CAMK2A: variants seen among roughly 807,000 people sequenced by gnomAD.
CAMK2A encodes calcium/calmodulin-dependent protein kinase type II subunit alpha.
CAMK2A carries 7 observed loss-of-function variants against 79.2 expected under a neutral mutation model. That is an observed-to-expected ratio of 0.09 (90% confidence interval 0.05 to 0.17). CAMK2A has a LOEUF of 0.17. Among genes scored for constraint, CAMK2A ranks in the 10% least tolerant of loss-of-function variants. The pLI, the probability that CAMK2A is intolerant of heterozygous loss-of-function variation, is 1.00. For synonymous variants in CAMK2A, 242 were observed against 251.7 expected, an observed-to-expected ratio of 0.96 and a Z score of 0.36; for missense variants, 214 against 646.4, an observed-to-expected ratio of 0.33 and a Z score of 7.25.
chr5:150,223,082 G>A lies in CAMK2A; in HGVS notation c.1373C>T (p.Ala458Val), dbSNP rs1580891529. ...CCAGACACGGGTCTCCTCCGACTGG[G>A]CGGTGCGTGGGATGCCGCCAGCGTC... is the stretch of plus-strand genomic sequence containing the variant. The part of the protein sequence containing the change: ...YLDAGGIPRT[A>V]QSEETRVWHR... The change falls in exon 18 of 19, where the codon GCC becomes GTC. Residue 458 changes from alanine to valine, a missense_variant. By Grantham distance (64) the Ala-to-Val change is moderately conservative. This residue lies in a region of CAMK2A where 123 missense variants were observed against 242.4 expected (regional missense o/e 0.51). Coordinates refer to ENST00000671881, the MANE Select transcript of CAMK2A (RefSeq NM_015981.4). This position sits in a 1 kb window ranked among gnomAD's most constrained non-coding sequence, Gnocchi z 4.1. The A allele has an allele frequency of 1.2e-6, 2 of 1,614,202 alleles. No homozygotes were observed. The highest frequency in any genetic ancestry group is 2.2e-5 in the South Asian group (2 of 91,084).
intron 13 of CAMK2A, among the ~76,000 whole-genome samples, chr5:150,243,083 C>T (rs1349911117): frequency 6.6e-6 from 1 of 152,238 alleles, no homozygotes; most frequent in African/African-American, 2.4e-5. Flanking sequence ...GTGAGCTGTC[C>T]TTGCCATCTG....
At position 150,238,847 on chromosome 5, in the gene CAMK2A, C is replaced by T. The variant is rs894056852; in HGVS notation, c.1018-99G>A. The T allele has an allele frequency of 6.3e-5, 63 of 997,180 alleles. 1 individual carries two copies. Among genetic ancestry groups the T allele is most frequent in the Non-Finnish European group, 7.3e-6 (5 of 685,046 alleles). The allele number at this position is 997,180 out of a possible 1,614,324, so 61.8% of individuals were successfully genotyped here. On this transcript the variant is annotated intron_variant, in intron 14 of 18. Transcript: ENST00000671881. ...TGGTGACGCGGCTGGTTTCTGTGAG[C>T]CTCACAGGCTCTGCCTTCCAGATGC...
chr5:150,249,283 T>C (rs531086534), intron 11 of CAMK2A, among the ~76,000 whole-genome samples: 18 of 152,342 alleles, frequency 1.2e-4, no homozygotes, highest in Admixed American at 3.3e-4. Context: ...ACACAGAACC[T>C]GCAAGAGTGT....
chr5:150,256,541 G>A lies in CAMK2A; in HGVS notation c.411+32C>T, dbSNP rs371519539. ...ACGTGCAGAGGAGAGAGGGGCTCCC[G>A]GGGTGAGCCACACCCACGGTGGGTT... is the stretch of plus-strand genomic sequence containing the variant. On this transcript the variant is annotated intron_variant, in intron 6 of 18. Coordinates refer to ENST00000671881, the MANE Select transcript of CAMK2A (RefSeq NM_015981.4). This position sits in a 1 kb window ranked among gnomAD's most constrained non-coding sequence, Gnocchi z 4.6. 1.6e-4 allele frequency: 240 copies of A among 1,539,744 alleles called. No homozygotes were observed. In the African/African-American group the frequency reaches 2.6e-3, roughly 17 times the overall value.
chr5:150,259,596 A>T (rs1307084781), intron 3 of CAMK2A, among the ~76,000 whole-genome samples: 1 of 152,244 alleles, frequency 6.6e-6, no homozygotes, highest in African/African-American at 2.4e-5. Context: ...ATAATAACTA[A>T]AAGATGTTTT....
Position 150,228,301 on chromosome 5 carries a change from C to T in CAMK2A, c.1143-15G>A. 1.9e-6 allele frequency: 3 copies of T among 1,605,368 alleles called. No individual in the cohort carries two copies. The highest frequency in any genetic ancestry group is 2.6e-6 in the Non-Finnish European group (3 of 1,172,942). On this transcript the variant is annotated splice_polypyrimidine_tract_variant and intron_variant, in intron 16 of 18. Transcript: ENST00000671881. ...CGCACATCTTCCTGGGGGAAAGAAG[C>T]CAGAGGGAAGAGGGACTGGGGCGGC...
At chr5:150,235,766 G>A (rs778819085) in intron 15 of CAMK2A, among the ~76,000 whole-genome samples, 4 of 152,164 alleles carry the variant, frequency 2.6e-5, no homozygotes, top group Non-Finnish European at 4.4e-5. Context: ...TAACTTTAAT[G>A]TCAGGTCAGA....
intron 11 of CAMK2A, among the ~76,000 whole-genome samples, chr5:150,248,271 C>G (rs1755660842): frequency 6.6e-6 from 1 of 151,596 alleles, no homozygotes; most frequent in African/African-American, 2.4e-5. Context: ...GGCCCCTGGG[C>G]TCAGAGAATC....
chr5:150,257,621 T>C lies in CAMK2A; in HGVS notation c.218-4A>G. On this transcript the variant is annotated splice_polypyrimidine_tract_variant and splice_region_variant and intron_variant, in intron 3 of 18. Transcript: ENST00000671881. ...GAGATGCTGTCATGTAGTCGGACTG[T>C]GGGCGGGGCAAGGCAGTTGGTTACA... 1 of 1,565,592 alleles carries C rather than the reference T, an allele frequency of 6.4e-7. No individual in the cohort carries two copies. The highest frequency in any genetic ancestry group is 8.7e-7 in the Non-Finnish European group (1 of 1,155,130).
intron 15 of CAMK2A, among the ~76,000 whole-genome samples, chr5:150,233,839 G>T (rs947801192): frequency 6.6e-6 from 1 of 152,060 alleles, no homozygotes; most frequent in South Asian, 2.1e-4. Context: ...TTGAGATGGG[G>T]TCTCTCTGCA....
chr5:150,270,110 GA>G (rs1221462296), intron 2 of CAMK2A, among the ~76,000 whole-genome samples: 1 of 152,208 alleles, frequency 6.6e-6, no homozygotes, highest in African/African-American at 2.4e-5. Flanking sequence ...TGGGGAGGAC[GA>G]GCTAGGAGGC....
At chr5:150,236,606 C>T (rs748911339) in intron 15 of CAMK2A, among the ~76,000 whole-genome samples, 4 of 152,216 alleles carry the variant, frequency 2.6e-5, no homozygotes, top group African/African-American at 2.4e-5. Context: ...ATTACCTCCA[C>T]GGTCCCTGCC....
chr5:150,289,621 G>A lies in CAMK2A; in HGVS notation c.5C>T (p.Ala2Val). 1 of 1,613,652 alleles carries A rather than the reference G, an allele frequency of 6.2e-7. No homozygotes were observed. Among genetic ancestry groups the A allele is most frequent in the Non-Finnish European group, 8.5e-7 (1 of 1,179,694 alleles). M[A>V]TITCTRFTEE... ...CGTGAAGCGGGTGCAGGTGATGGTG[G>A]CCATCCTGGCGCTGGGCAGGCAGGT... Residue 2 changes from alanine (A) to valine (V), a missense_variant, in exon 1 of 19, where the codon GCC becomes GTC. Physicochemically the swap from Ala to Val is moderately conservative, Grantham distance 64 (BLOSUM62 0). Transcript: ENST00000671881.
rs1313379028 is a variant in CAMK2A at position 150,220,417 on chromosome 5, C to T, written c.*2293G>A. 1 of 152,340 alleles carries T rather than the reference C, an allele frequency of 6.6e-6. No homozygotes were observed. The highest frequency in any genetic ancestry group is 1.5e-5 in the Non-Finnish European group (1 of 68,056). The allele number at this position is 152,340 out of a possible 1,614,324, so 9.4% of individuals were successfully genotyped here. On this transcript the variant is annotated 3_prime_UTR_variant, in exon 19 of 19. Coordinates refer to ENST00000671881, the MANE Select transcript of CAMK2A (RefSeq NM_015981.4). Reference sequence around the variant, plus strand: ...AACAGGAGTCCAGCCAGTGACTATCCCTGCCAGTTCCTGCAGGTAAATTAG... The same window carrying T: ...AACAGGAGTCCAGCCAGTGACTATCTCTGCCAGTTCCTGCAGGTAAATTAG...
At chr5:150,252,155 G>C in intron 7 of CAMK2A, 90 bp from the exon 8 acceptor site, 1 of 990,132 alleles carries the variant, frequency 1.0e-6, no homozygotes, top group Non-Finnish European at 1.6e-6. Flanking sequence ...GAGGGGATGA[G>C]GATTGCTCTG....
chr5:150,243,565 G>C, intron 13 of CAMK2A, among the ~76,000 whole-genome samples: 1 of 152,194 alleles, frequency 6.6e-6, no homozygotes, highest in South Asian at 2.1e-4. Context: ...TATAAATTAA[G>C]TTGGCTTTAG....
At chr5:150,238,876 C>A (rs1755213061) in intron 14 of CAMK2A, 128 bp from the exon 15 acceptor site, 1 of 738,328 alleles carries the variant, frequency 1.4e-6, no homozygotes, top group East Asian at 2.9e-5. Flanking sequence ...CAGATGCTGT[C>A]CTGAAAACCC....
chr5:150,224,004 G>A (rs562882358), intron 17 of CAMK2A, among the ~76,000 whole-genome samples: 1 of 152,252 alleles, frequency 6.6e-6, no homozygotes, highest in South Asian at 2.1e-4. Flanking sequence ...TAGAATCTTA[G>A]AACCTTGAAA....
At chr5:150,276,364 G>A (rs1431840839) in intron 1 of CAMK2A, among the ~76,000 whole-genome samples, 1 of 152,144 alleles carries the variant, frequency 6.6e-6, no homozygotes, top group Non-Finnish European at 1.5e-5. Flanking sequence ...AGCGTCTAGT[G>A]CCAATAGAGC....
Sources: allele counts gnomAD v4.1 joint callset (sites outside exome capture counted in the v4.1 genomes callset), GRCh38; gene constraint gnomAD v4.1.1; regional missense constraint gnomAD v4.1.1; non-coding constraint Gnocchi (gnomAD v3.1); transcripts MANE v1.5; gene names NCBI Gene and HGNC (gene_info 2026-07-23, HGNC 2026-07-21).